The following TCF12 variants were observed in gnomAD, a reference collection of about 807,000 sequenced individuals.
TCF12 encodes the protein DNA-binding protein HTF4.
In TCF12, 45 loss-of-function variants were observed where a neutral mutation model predicts 86.0. The ratio of observed to expected loss-of-function variants is 0.52; its 90% CI spans 0.41 to 0.67. The LOEUF (loss-of-function observed/expected upper bound fraction) is 0.67, where lower values mean the gene tolerates loss of function less well. Among genes scored for constraint, TCF12 ranks in the 30% least tolerant of loss-of-function variants. TCF12 has a pLI of 0.00. For synonymous variants in TCF12, 330 were observed against 299.6 expected (o/e 1.10, Z -1.05); for missense variants, 881 against 859.9 (o/e 1.02, Z -0.31).
At chr15:57,257,168 G>A (rs1333268809) in intron 16 of TCF12, among the ~76,000 whole-genome samples, 1 of 152,198 alleles carries the variant, frequency 6.6e-6, no homozygotes, top group African/African-American at 2.4e-5. Context: ...TTGGCTACAG[G>A]CCAGACCTTG....
chr15:56,944,467 C>T (rs2060909698), intron 3 of TCF12, among the ~76,000 whole-genome samples: 1 of 152,084 alleles, frequency 6.6e-6, no homozygotes, highest in Non-Finnish European at 1.5e-5. Flanking sequence ...TACCAAGCTG[C>T]TAAGACAAGG....
intron 4 of TCF12, 100 bp from the exon 5 acceptor site, chr15:57,091,689 C>A: frequency 1.5e-6 from 1 of 672,048 alleles, no homozygotes; most frequent in Non-Finnish European, 2.4e-6. Flanking sequence ...CAGAAATGAC[C>A]ATGTGTAAGT....
intron 3 of TCF12, among the ~76,000 whole-genome samples, chr15:56,990,151 C>CTTTTT (rs372235874): frequency 0.13 from 12,186 of 91,858 alleles, 760 homozygotes; most frequent in Non-Finnish European, 0.2. Flanking sequence ...ATAGTCTTGT[C>CTTTTT]TTTTTTTTTT....
At chr15:56,945,340 G>A (rs975867197) in intron 3 of TCF12, among the ~76,000 whole-genome samples, 1 of 151,980 alleles carries the variant, frequency 6.6e-6, no homozygotes, top group African/African-American at 2.4e-5. Flanking sequence ...TCAATTTCCA[G>A]TGTTCTTCAT....
intron 3 of TCF12, among the ~76,000 whole-genome samples, chr15:56,964,717 A>G (rs1595882950): frequency 5.3e-5 from 8 of 152,270 alleles, no homozygotes; most frequent in Admixed American, 4.6e-4. Context: ...TGCCTTAGTA[A>G]TAAGTTTGTG....
At chr15:57,147,791 C>A (rs2053461214) in intron 5 of TCF12, among the ~76,000 whole-genome samples, 1 of 151,112 alleles carries the variant, frequency 6.6e-6, no homozygotes, top group Non-Finnish European at 1.5e-5. Context: ...AGTTCCTAAA[C>A]TTTATAATAG....
intron 12 of TCF12, among the ~76,000 whole-genome samples, chr15:57,241,300 C>G (rs1190846703): frequency 6.6e-6 from 1 of 152,008 alleles, no homozygotes; most frequent in Non-Finnish European, 1.5e-5. Flanking sequence ...GCATGTTGGC[C>G]AGGCTGGTCT....
At chr15:57,037,390 G>A (rs1225012447) in intron 3 of TCF12, among the ~76,000 whole-genome samples, 2 of 152,124 alleles carry the variant, frequency 1.3e-5, no homozygotes, top group East Asian at 1.9e-4. Context: ...ACAGTGAGCC[G>A]AGATCGTGCC....
At chr15:57,251,202 C>T in intron 13 of TCF12, 148 bp from the exon 14 acceptor site, 2 of 540,410 alleles carry the variant, frequency 3.7e-6, no homozygotes, top group Non-Finnish European at 6.6e-6. Context: ...ATGTGTTGGG[C>T]TTATAAGTAG....
At chr15:57,257,532 A>G (rs1280767645) in intron 16 of TCF12, among the ~76,000 whole-genome samples, 13 of 152,102 alleles carry the variant, frequency 8.5e-5, no homozygotes, top group African/African-American at 3.1e-4. Context: ...ATGGTGGCAT[A>G]CACCAGTGGT....
At chr15:56,963,334 T>C (rs748241547) in intron 3 of TCF12, among the ~76,000 whole-genome samples, 2 of 152,208 alleles carry the variant, frequency 1.3e-5, no homozygotes, top group African/African-American at 2.4e-5. Context: ...GCTGTGGTTT[T>C]TCCACATGTG....
At chr15:57,227,567 T>C (rs747518069) in intron 8 of TCF12, among the ~76,000 whole-genome samples, 26 of 152,236 alleles carry the variant, frequency 1.7e-4, no homozygotes, top group Middle Eastern at 6.8e-3. Flanking sequence ...TTACGGTGAG[T>C]GTGATGAGGA....
chr15:56,950,982 C>A (rs907103231), intron 3 of TCF12, among the ~76,000 whole-genome samples: 2 of 151,648 alleles, frequency 1.3e-5, no homozygotes, highest in Admixed American at 1.3e-4. Context: ...TCTTGAACTC[C>A]CGACCTTAGG....
At chr15:57,143,797 T>C (rs1043295904) in intron 5 of TCF12, among the ~76,000 whole-genome samples, 79 of 152,186 alleles carry the variant, frequency 5.2e-4, no homozygotes, top group African/African-American at 1.7e-3. Context: ...AGGGCACTTA[T>C]GGTAAGCAAA....
intron 3 of TCF12, among the ~76,000 whole-genome samples, chr15:57,053,655 A>G (rs1044021244): frequency 2.6e-5 from 4 of 151,414 alleles, no homozygotes; most frequent in Non-Finnish European, 5.9e-5. Flanking sequence ...ATTTGAACAC[A>G]GCAACTCCCA....
intron 6 of TCF12, among the ~76,000 whole-genome samples, chr15:57,180,650 T>C (rs1355961613): frequency 1.7e-5 from 2 of 119,090 alleles, no homozygotes; most frequent in Non-Finnish European, 4.1e-5. Flanking sequence ...AGGAATTCTG[T>C]AGAATAATAA....
chr15:56,918,557 T>G (rs1459407996), upstream of TCF12: 2 of 265,942 alleles, frequency 7.5e-6, no homozygotes, highest in South Asian at 3.0e-5. Flanking sequence ...CCGCCCCCTC[T>G]GCCGGCCCCA....
intron 12 of TCF12, among the ~76,000 whole-genome samples, chr15:57,239,845 A>G (rs1358291780): frequency 6.6e-6 from 1 of 152,138 alleles, no homozygotes; most frequent in Admixed American, 6.5e-5. Flanking sequence ...GTGATAAAAA[A>G]TTTGGGTTTG....
intron 3 of TCF12, among the ~76,000 whole-genome samples, chr15:57,002,040 G>A (rs1264665375): frequency 6.6e-6 from 1 of 152,194 alleles, no homozygotes; most frequent in Non-Finnish European, 1.5e-5. Context: ...AAGTTGAGAA[G>A]CGTATCTATG....
Sources: allele counts gnomAD v4.1 joint callset (sites outside exome capture counted in the v4.1 genomes callset), GRCh38; gene constraint gnomAD v4.1.1; transcripts MANE v1.5; gene names NCBI Gene and HGNC (gene_info 2026-07-23, HGNC 2026-07-21).